The following BNC2 variants were observed in gnomAD, a reference collection of about 807,000 sequenced individuals.
BNC2 encodes basonuclin zinc finger protein 2.
BNC2 carries 20 observed loss-of-function variants against 76.3 expected under a neutral mutation model. That is an observed-to-expected ratio of 0.26 (90% CI 0.18 to 0.38). The LOEUF is 0.38. BNC2 is among the 10% of genes least tolerant of loss of function. BNC2 has a pLI of 1.00. For missense variants in BNC2, 1,382 were observed against 1,399.8 expected (o/e 0.99, Z 0.20); for synonymous variants, 582 against 514.8 (o/e 1.13, Z -1.77).
At chr9:16,501,217 T>C (rs1822510701) in intron 5 of BNC2, among the ~76,000 whole-genome samples, 1 of 152,164 alleles carries the variant, frequency 6.6e-6, no homozygotes, top group African/African-American at 2.4e-5. Flanking sequence ...ATAACAGAAA[T>C]GTAATTAGCC....
Position 16,461,591 on chromosome 9 carries a change from C to T in BNC2, c.670-24067G>A, listed in dbSNP as rs547803075. 5.0e-4 allele frequency among the ~76,000 whole-genome samples: 51 copies of T among 101,406 alleles called. 1 individual carries two copies. Among genetic ancestry groups the T allele is most frequent in the Non-Finnish European group, 7.6e-4 (41 of 53,978 alleles). 66.5% of individuals were successfully genotyped at this position (101,406 alleles called of 152,430 possible). A position where few individuals can be genotyped will look rare whatever the true frequency, so the allele number is the denominator to read the frequency against. On this transcript the variant is annotated intron_variant, in intron 5 of 6. Transcript: ENST00000380672. ...CCTGCATTCCAATGATCCAGGACAA[C>T]GTGGTGGGGGGTGGCGGGGGGAGTT...
chr9:16,485,788 A>G (rs774827548), intron 5 of BNC2, among the ~76,000 whole-genome samples: 4 of 152,204 alleles, frequency 2.6e-5, no homozygotes, highest in Non-Finnish European at 4.4e-5. Context: ...TAGCCTGGGC[A>G]ACAGAGTGAG....
chr9:16,424,276 A>C (rs1820763035), intron 6 of BNC2, among the ~76,000 whole-genome samples: 1 of 152,008 alleles, frequency 6.6e-6, no homozygotes, highest in East Asian at 1.9e-4. Flanking sequence ...GAAAAAAAAA[A>C]AAAACAAGTT....
chr9:16,767,727 C>G (rs1825735634), intron 1 of BNC2, among the ~76,000 whole-genome samples: 1 of 152,074 alleles, frequency 6.6e-6, no homozygotes, highest in Non-Finnish European at 1.5e-5. Context: ...CAAACGTAAA[C>G]AGTATAATAG....
intron 3 of BNC2, among the ~76,000 whole-genome samples, chr9:16,635,102 T>C (rs1036312290): frequency 6.6e-6 from 1 of 152,246 alleles, no homozygotes; most frequent in Non-Finnish European, 1.5e-5. Flanking sequence ...CAGTTTCTCT[T>C]GCAGTCTTAG....
chr9:16,755,931 A>G (rs1825372154), intron 1 of BNC2, among the ~76,000 whole-genome samples: 1 of 152,176 alleles, frequency 6.6e-6, no homozygotes, highest in Admixed American at 6.5e-5. Context: ...ACAGAGATAA[A>G]TCTCTCTAAG....
At chr9:16,652,795 G>A (rs911238953) in intron 3 of BNC2, among the ~76,000 whole-genome samples, 1 of 152,134 alleles carries the variant, frequency 6.6e-6, no homozygotes, top group African/African-American at 2.4e-5. Flanking sequence ...AGGGAGAAAG[G>A]CATCCTCCCT....
At chr9:16,514,715 T>C (rs912970660) in intron 5 of BNC2, among the ~76,000 whole-genome samples, 1 of 152,068 alleles carries the variant, frequency 6.6e-6, no homozygotes, top group African/African-American at 2.4e-5. Context: ...TTCTAAGGAG[T>C]CTTAATTTCT....
intron 5 of BNC2, among the ~76,000 whole-genome samples, chr9:16,506,973 T>C (rs774343681): frequency 4.6e-5 from 7 of 152,050 alleles, no homozygotes; most frequent in Non-Finnish European, 8.8e-5. Flanking sequence ...CAGGCTGGTC[T>C]TGAACTCCTG....
chr9:16,747,066 A>G (rs2135231507), intron 1 of BNC2, among the ~76,000 whole-genome samples: 1 of 152,334 alleles, frequency 6.6e-6, no homozygotes, highest in South Asian at 2.1e-4. Flanking sequence ...TATACAAAAT[A>G]TCACACCACG....
chr9:16,595,531 C>T (rs1820041622), intron 3 of BNC2, among the ~76,000 whole-genome samples: 1 of 152,092 alleles, frequency 6.6e-6, no homozygotes, highest in South Asian at 2.1e-4. Flanking sequence ...AGTGAAACCT[C>T]TCAGGTAATA....
intron 3 of BNC2, among the ~76,000 whole-genome samples, chr9:16,663,130 CT>C (rs71325979): frequency 5.5e-4 from 55 of 99,604 alleles, no homozygotes; most frequent in Admixed American, 8.7e-4. Flanking sequence ...TCTGTTTACT[CT>C]TTTTTTTTTT....
chr9:16,468,038 C>CTTTT (rs1414982362), intron 5 of BNC2, among the ~76,000 whole-genome samples: 1 of 146,244 alleles, frequency 6.8e-6, no homozygotes, highest in African/African-American at 2.6e-5. Context: ...TTCTTTCTTT[C>CTTTT]TCTTTTTTTT....
chr9:16,503,775 T>C (rs1424641028), intron 5 of BNC2, among the ~76,000 whole-genome samples: 1 of 152,204 alleles, frequency 6.6e-6, no homozygotes, highest in African/African-American at 2.4e-5. Flanking sequence ...ATATACAAAC[T>C]ACAAATCAAT....
chr9:16,540,018 G>A (rs1016943077), intron 5 of BNC2, among the ~76,000 whole-genome samples: 6 of 151,984 alleles, frequency 3.9e-5, no homozygotes, highest in African/African-American at 1.4e-4. Context: ...TTCACCACCT[G>A]TAACTTTTCT....
chr9:16,590,636 G>T (rs1313028001), intron 3 of BNC2, among the ~76,000 whole-genome samples: 1 of 152,154 alleles, frequency 6.6e-6, no homozygotes, highest in East Asian at 2.0e-4. Context: ...GCGAAACCTC[G>T]TCTCTATAAA....
At chr9:16,705,749 T>C (rs1401209898) in intron 3 of BNC2, among the ~76,000 whole-genome samples, 1 of 152,216 alleles carries the variant, frequency 6.6e-6, no homozygotes, top group Non-Finnish European at 1.5e-5. Context: ...GACAAAATGA[T>C]TCAGTATGGG....
At chr9:16,451,626 C>A (rs1821341980) in intron 5 of BNC2, among the ~76,000 whole-genome samples, 1 of 152,152 alleles carries the variant, frequency 6.6e-6, no homozygotes, top group Non-Finnish European at 1.5e-5. Context: ...ACCTCTGCAC[C>A]CCTCTGCCTT....
At chr9:16,727,047 G>C (rs1212276548) in intron 3 of BNC2, 1 of 152,232 alleles carries the variant, frequency 6.6e-6, no homozygotes, top group Non-Finnish European at 1.5e-5. Context: ...CAAGCCGAAC[G>C]CCTCCAGCGC....
Sources: gnomAD v4.1 joint callset for allele counts (sites outside exome capture counted in the v4.1 genomes callset) on GRCh38, gnomAD v4.1.1 for gene constraint, MANE v1.5 for transcripts, NCBI Gene and HGNC (gene_info 2026-07-23, HGNC 2026-07-21) for gene names.